The following RBFOX1 variants were observed in gnomAD, a reference collection of about 807,000 sequenced individuals.
RBFOX1 encodes the protein RNA binding fox-1 homolog 1, also known as RNA binding protein fox-1 homolog 1.
RBFOX1 carries 8 observed loss-of-function variants against 57.7 expected under a neutral mutation model. That is an observed-to-expected ratio of 0.14 (90% CI 0.08 to 0.25). The LOEUF (loss-of-function observed/expected upper bound fraction) is 0.25, where lower values mean the gene tolerates loss of function less well. Ranked by LOEUF, RBFOX1 falls within the 10% of genes least tolerant of loss-of-function variation. RBFOX1 has a pLI of 1.00. For synonymous variants in RBFOX1, 326 were observed against 222.4 expected, an observed-to-expected ratio of 1.47 and a Z score of -4.15; for missense variants, 611 against 548.5, an observed-to-expected ratio of 1.11 and a Z score of -1.14.
In RBFOX1 at chr16:6,034,099, C is replaced by T. The variant is rs183505925; in HGVS notation, c.-127+14107C>T. 7.4e-4 allele frequency among the ~76,000 whole-genome samples: 113 copies of T among 151,958 alleles called. 2 individuals are homozygous for T. In the East Asian group the frequency reaches 0.02, roughly 27 times the overall value. On this transcript the variant is annotated intron_variant, in intron 1 of 15. Coordinates refer to ENST00000550418, the MANE Select transcript of RBFOX1 (RefSeq NM_018723.4). ...CCCGTAATCCCAGCCCTTTGGGAGG[C>T]CGAGGTGGGCGGATCACCTGAGGTC... is the stretch of plus-strand genomic sequence containing the variant.
intron 3 of RBFOX1, among the ~76,000 whole-genome samples, chr16:5,846,179 C>T (rs1371562783): frequency 7.2e-6 from 1 of 138,326 alleles, no homozygotes; most frequent in Non-Finnish European, 1.5e-5. Flanking sequence ...GAGGCACTGT[C>T]TTAAAAAAAA....
At chr16:7,161,278 A>G (rs1037663657) in intron 4 of RBFOX1, among the ~76,000 whole-genome samples, 6 of 152,168 alleles carry the variant, frequency 3.9e-5, no homozygotes, top group Admixed American at 3.3e-4. Flanking sequence ...TGACCATGAG[A>G]TAGGGGAATG....
chr16:5,272,632 A>G (rs964949399), intron 1 of RBFOX1, among the ~76,000 whole-genome samples: 9 of 152,192 alleles, frequency 5.9e-5, no homozygotes, highest in African/African-American at 2.2e-4. Flanking sequence ...CAACACTTAC[A>G]GCAAGAATTA....
At chr16:7,548,821 G>A (rs2085412332) in intron 5 of RBFOX1, among the ~76,000 whole-genome samples, 1 of 152,188 alleles carries the variant, frequency 6.6e-6, no homozygotes, top group Non-Finnish European at 1.5e-5. Flanking sequence ...AATCAGAGAG[G>A]AAATTCCAGG....
chr16:7,373,871 A>T (rs2097629149), intron 4 of RBFOX1, among the ~76,000 whole-genome samples: 1 of 152,158 alleles, frequency 6.6e-6, no homozygotes, highest in Non-Finnish European at 1.5e-5. Flanking sequence ...CGTGAGAGAG[A>T]GTTTAGGTAC....
chr16:5,495,727 C>G (rs2042980570), intron 2 of RBFOX1, among the ~76,000 whole-genome samples: 1 of 152,188 alleles, frequency 6.6e-6, no homozygotes, highest in African/African-American at 2.4e-5. Context: ...AGGACAGATC[C>G]ATAAATACCC....
chr16:6,033,361 T>C (rs1467492668), intron 1 of RBFOX1, among the ~76,000 whole-genome samples: 3 of 152,116 alleles, frequency 2.0e-5, no homozygotes, highest in Non-Finnish European at 4.4e-5. Context: ...TATTCAAAAA[T>C]GCAGGAGTAT....
At chr16:7,274,576 C>G (rs1366197278) in intron 4 of RBFOX1, among the ~76,000 whole-genome samples, 1 of 152,174 alleles carries the variant, frequency 6.6e-6, no homozygotes, top group Non-Finnish European at 1.5e-5. Context: ...TCACTTCTCT[C>G]TGGAACTAGG....
chr16:5,572,419 G>A (rs991626082), intron 2 of RBFOX1, among the ~76,000 whole-genome samples: 21 of 152,148 alleles, frequency 1.4e-4, no homozygotes, highest in Admixed American at 5.2e-4. Context: ...CAATCTTGGC[G>A]CTGTTAACAT....
rs115588369 is a variant in RBFOX1, at chr16:5,759,056, C to T, written c.319-108247C>T. Among the ~76,000 whole-genome samples the T allele has an allele frequency of 4.3e-3, 657 of 152,306 alleles. 7 individuals are homozygous for T. The highest frequency in any genetic ancestry group is 0.015 in the African/African-American group (624 of 41,568). ...GAAACCTCCATTTGAACCTCCATTT[C>T]TACTTCCATAAAATGGGGAGGCTAC... is the stretch of plus-strand genomic sequence containing the variant. On this transcript the variant is annotated intron_variant, in intron 3 of 19. Coordinates refer to the RBFOX1 transcript ENST00000641259.
At chr16:5,538,521 C>T (rs1230677601) in intron 2 of RBFOX1, among the ~76,000 whole-genome samples, 2 of 152,004 alleles carry the variant, frequency 1.3e-5, no homozygotes, top group Admixed American at 1.3e-4. Flanking sequence ...GTTGGACAGG[C>T]AGTTGTGTTT....
At chr16:6,870,200 T>C (rs1377650814) in intron 3 of RBFOX1, among the ~76,000 whole-genome samples, 1 of 152,158 alleles carries the variant, frequency 6.6e-6, no homozygotes, top group Non-Finnish European at 1.5e-5. Context: ...TTATTTCATC[T>C]AGAATTTTGC....
intron 1 of RBFOX1, among the ~76,000 whole-genome samples, chr16:6,168,618 A>T (rs955660966): frequency 6.6e-6 from 1 of 152,160 alleles, no homozygotes; most frequent in Admixed American, 6.6e-5. Flanking sequence ...TGGAAGTAAG[A>T]TCGCTGCTAA....
At chr16:6,242,471 C>T (rs973505940) in intron 1 of RBFOX1, among the ~76,000 whole-genome samples, 9 of 151,782 alleles carry the variant, frequency 5.9e-5, no homozygotes, top group Non-Finnish European at 8.8e-5. Flanking sequence ...ATAAATAATC[C>T]TCCCACTTAG....
intron 4 of RBFOX1, among the ~76,000 whole-genome samples, chr16:7,099,107 G>C (rs1413255399): frequency 6.6e-6 from 1 of 152,038 alleles, no homozygotes. Flanking sequence ...TGCAAAAATA[G>C]TACTTAGAAT....
At chr16:7,478,439 C>A (rs980256750) in intron 4 of RBFOX1, among the ~76,000 whole-genome samples, 4 of 152,112 alleles carry the variant, frequency 2.6e-5, no homozygotes, top group African/African-American at 9.7e-5. Flanking sequence ...GTGTAGCAAT[C>A]TGAGCTGCTG....
chr16:6,128,874 C>A (rs908937611), intron 1 of RBFOX1, among the ~76,000 whole-genome samples: 2 of 152,076 alleles, frequency 1.3e-5, no homozygotes, highest in Admixed American at 1.3e-4. Flanking sequence ...AAGTGGAAAC[C>A]CCAGAATGCC....
chr16:5,306,455 G>A (rs564316622), intron 1 of RBFOX1, among the ~76,000 whole-genome samples: 2 of 152,018 alleles, frequency 1.3e-5, no homozygotes, highest in Non-Finnish European at 2.9e-5. Flanking sequence ...AAATAGCTGG[G>A]ATTATAGGTG....
intron 3 of RBFOX1, among the ~76,000 whole-genome samples, chr16:6,655,373 C>CAAAAAGAAAA (rs2098641452): frequency 3.0e-5 from 1 of 33,686 alleles, no homozygotes; most frequent in African/African-American, 1.3e-4. Flanking sequence ...GCCTCCGTTT[C>CAAAAAGAAAA]AAAAAAAAAA....
Sources: allele counts gnomAD v4.1 joint callset (sites outside exome capture counted in the v4.1 genomes callset), GRCh38; gene constraint gnomAD v4.1.1; transcripts MANE v1.5; gene names NCBI Gene and HGNC (gene_info 2026-07-23, HGNC 2026-07-21).